The following ATP6V1C1 variants were observed in gnomAD, a reference collection of about 807,000 sequenced individuals.
ATP6V1C1 encodes V-type proton ATPase subunit C 1.
ATP6V1C1 carries 45 observed loss-of-function variants against 53.9 expected under a neutral mutation model. That is an observed-to-expected ratio of 0.83 (90% CI 0.66 to 1.07). The LOEUF is 1.07. ATP6V1C1 is among the 50% of genes least tolerant of loss of function. ATP6V1C1 has a pLI of 0.00. For synonymous variants in ATP6V1C1, 153 were observed against 155.2 expected, an observed-to-expected ratio of 0.99 and a Z score of 0.11; for missense variants, 315 against 440.3, an observed-to-expected ratio of 0.72 and a Z score of 2.55.
At chr8:103,033,206 G>T (rs1391965980) in intron 1 of ATP6V1C1, among the ~76,000 whole-genome samples, 2 of 152,208 alleles carry the variant, frequency 1.3e-5, no homozygotes, top group Non-Finnish European at 2.9e-5. Flanking sequence ...TGGACTGAGT[G>T]TGAGGGAAGG....
At chr8:103,042,433 G>C (rs373645213) in intron 3 of ATP6V1C1, 26 bp downstream of exon 3, 5 of 1,598,444 alleles carry the variant, frequency 3.1e-6, no homozygotes, top group Middle Eastern at 3.3e-4. Flanking sequence ...GCATGGAGTA[G>C]AGCAAAATGG....
chr8:103,026,110 G>C (rs891895810), intron 1 of ATP6V1C1, among the ~76,000 whole-genome samples: 63 of 152,360 alleles, frequency 4.1e-4, no homozygotes, highest in Middle Eastern at 3.4e-3. Context: ...GGAGTCTCTA[G>C]AAGCTGAGAA....
intron 1 of ATP6V1C1, among the ~76,000 whole-genome samples, chr8:103,032,783 C>T (rs538802885): frequency 1.7e-4 from 26 of 152,248 alleles, no homozygotes; most frequent in African/African-American, 6.3e-4. Context: ...TGGCCAATTT[C>T]TTATAAAGGT....
At chr8:103,024,454 T>C (rs1449783043) in intron 1 of ATP6V1C1, among the ~76,000 whole-genome samples, 1 of 152,200 alleles carries the variant, frequency 6.6e-6, no homozygotes, top group Non-Finnish European at 1.5e-5. Flanking sequence ...AAGTAAACCT[T>C]TGCCAAAGGT....
intron 1 of ATP6V1C1, among the ~76,000 whole-genome samples, chr8:103,022,064 G>T (rs73290361): frequency 2.6e-5 from 4 of 152,094 alleles, no homozygotes; most frequent in African/African-American, 7.3e-5. Flanking sequence ...CTACACACAG[G>T]ACACGTTAAA....
chr8:103,032,357 A>G (rs976437204), intron 1 of ATP6V1C1, among the ~76,000 whole-genome samples: 4 of 152,266 alleles, frequency 2.6e-5, no homozygotes, highest in Non-Finnish European at 4.4e-5. Flanking sequence ...TGAAAAGGCC[A>G]AGAACACTAA....
chr8:103,052,870 T>C (rs763923126), intron 6 of ATP6V1C1, 48 bp downstream of exon 6: 1 of 1,169,258 alleles, frequency 8.6e-7, no homozygotes, highest in South Asian at 1.4e-5. Flanking sequence ...GGAAGCATAC[T>C]AGCATGCACC....
intron 1 of ATP6V1C1, among the ~76,000 whole-genome samples, chr8:103,026,521 C>T (rs965752307): frequency 1.1e-4 from 16 of 152,184 alleles, no homozygotes; most frequent in East Asian, 7.7e-4. Flanking sequence ...TTAAGAAAGG[C>T]GGGGCTGGGT....
Position 103,071,446 on chromosome 8 carries a change from C to G in ATP6V1C1, c.*2699C>G, listed in dbSNP as rs1274617119. 6.6e-6 allele frequency: 1 copy of G among 152,092 alleles called. No individual in the cohort carries two copies. The highest frequency in any genetic ancestry group is 1.5e-5 in the Non-Finnish European group (1 of 68,024). 9.4% of individuals were successfully genotyped at this position (152,092 alleles called of 1,614,324 possible). A position where few individuals can be genotyped will look rare whatever the true frequency, so the allele number is the denominator to read the frequency against. ...ATCTTGAGCCAGTCAGAATTTGAAC[C>G]TAAGATTTTTGACTGCTGGTTGTCA... On this transcript the variant is annotated 3_prime_UTR_variant, in exon 13 of 13. Coordinates refer to ENST00000518738, the MANE Select transcript of ATP6V1C1 (RefSeq NM_001695.5).
At chr8:103,065,829 G>C (rs1166682919) in intron 11 of ATP6V1C1, among the ~76,000 whole-genome samples, 3 of 152,052 alleles carry the variant, frequency 2.0e-5, no homozygotes, top group Non-Finnish European at 4.4e-5. Context: ...AGATCATGAG[G>C]TCAAGAGATT....
intron 1 of ATP6V1C1, among the ~76,000 whole-genome samples, chr8:103,029,970 G>A (rs903089258): frequency 6.6e-6 from 1 of 152,160 alleles, no homozygotes; most frequent in Non-Finnish European, 1.5e-5. Context: ...CTGAGCTCAA[G>A]TGATCCACCT....
intron 7 of ATP6V1C1, among the ~76,000 whole-genome samples, chr8:103,055,647 A>G (rs575800155): frequency 1.3e-4 from 20 of 152,240 alleles, no homozygotes; most frequent in South Asian, 4.1e-4. Context: ...CTCTTTTGCA[A>G]TGGTTACTGG....
intron 7 of ATP6V1C1, 105 bp from the exon 8 acceptor site, chr8:103,055,763 C>A: frequency 9.6e-7 from 1 of 1,045,918 alleles, no homozygotes; most frequent in Non-Finnish European, 1.4e-6. Context: ...AGTATACTTA[C>A]TATAGCCAGA....
intron 11 of ATP6V1C1, among the ~76,000 whole-genome samples, chr8:103,065,121 A>G (rs145177354): frequency 1.6e-4 from 25 of 152,344 alleles, no homozygotes; most frequent in African/African-American, 4.8e-4. Flanking sequence ...CAGGTGTTTT[A>G]TATGTCATTG....
intron 3 of ATP6V1C1, among the ~76,000 whole-genome samples, chr8:103,043,012 T>C (rs994416832): frequency 6.6e-6 from 1 of 152,234 alleles, no homozygotes; most frequent in African/African-American, 2.4e-5. Context: ...TGGGCGTTTA[T>C]TTTGTTTCCA....
Position 103,055,911 on chromosome 8 carries a change from G to T in ATP6V1C1, c.616G>T (p.Glu206Ter). ...GATTAAGCAGTATGAAACACTAGCCGAAATGGTAGTTCCAAGGTCTAGCAA... is the reference window on the plus strand; with the variant it reads ...GATTAAGCAGTATGAAACACTAGCCTAAATGGTAGTTCCAAGGTCTAGCAA... ...DWIKQYETLA[E>*]MVVPRSSNVL... is the part of the protein sequence containing the mutation. The change falls in exon 8 of 13, where the codon GAA (glutamate) becomes TAA (stop). Residue 206 changes from glutamate (E) to a stop codon, truncating the protein, a stop_gained. Coordinates refer to ENST00000518738, the MANE Select transcript of ATP6V1C1 (RefSeq NM_001695.5). LOFTEE classifies it high-confidence loss of function. 6.2e-7 allele frequency: 1 copy of T among 1,612,030 alleles called. No individual in the cohort carries two copies. Among genetic ancestry groups the T allele is most frequent in the Non-Finnish European group, 8.5e-7 (1 of 1,178,456 alleles).
intron 3 of ATP6V1C1, among the ~76,000 whole-genome samples, chr8:103,046,029 TCA>T (rs763976568): frequency 9.5e-4 from 144 of 152,142 alleles, no homozygotes; most frequent in Non-Finnish European, 1.7e-3. Flanking sequence ...CTCATCTACC[TCA>T]TTACAGTTAC....
At chr8:103,054,514 T>G (rs1201108236) in intron 7 of ATP6V1C1, among the ~76,000 whole-genome samples, 1 of 152,114 alleles carries the variant, frequency 6.6e-6, no homozygotes, top group African/African-American at 2.4e-5. Flanking sequence ...CCATAGATGA[T>G]ATGTGAACGA....
chr8:103,022,274 G>C (rs1475532467), intron 1 of ATP6V1C1, among the ~76,000 whole-genome samples: 2 of 152,156 alleles, frequency 1.3e-5, no homozygotes, highest in East Asian at 3.9e-4. Context: ...CACAGGATTT[G>C]AAAGCCTGAA....
Sources: gnomAD v4.1 joint callset for allele counts (sites outside exome capture counted in the v4.1 genomes callset) on GRCh38, gnomAD v4.1.1 for gene constraint, MANE v1.5 for transcripts, NCBI Gene and HGNC (gene_info 2026-07-23, HGNC 2026-07-21) for gene names.